Variants in SH2D5 observed in about 807,000 individuals in gnomAD.
SH2D5 encodes the protein SH2 domain-containing protein 5.
Under a neutral mutation model 48.2 loss-of-function variants are expected in SH2D5, and 45 were observed. The observed-to-expected ratio is 0.93, with a 90% CI of 0.73 to 1.20. The LOEUF (loss-of-function observed/expected upper bound fraction) is 1.20, where lower values mean the gene tolerates loss of function less well. Ranked by LOEUF, SH2D5 falls within the 50% of genes most tolerant of loss-of-function variation. The pLI is 0.00. For missense variants in SH2D5, 538 were observed against 584.1 expected (o/e 0.92, Z 0.81); for synonymous variants, 230 against 249.8 (o/e 0.92, Z 0.75).
In SH2D5 at chr1:20,729,680, C is replaced by A. The variant is rs2154538705; in HGVS notation, c.-42-1594G>T. Among the ~76,000 whole-genome samples the A allele has an allele frequency of 6.6e-6, 1 of 152,178 alleles. No homozygotes were observed. The highest frequency in any genetic ancestry group is 1.5e-5 in the Non-Finnish European group (1 of 68,010). The stretch of plus-strand genomic sequence containing the variant: ...AGCAACGACGGGTCCCGGGTGTGCT[C>A]CCACTCAAGGAGGAGGGCTGGGGTG... On this transcript the variant is annotated intron_variant, in intron 1 of 9. Coordinates refer to ENST00000444387, the MANE Select transcript of SH2D5 (RefSeq NM_001103161.2). This position sits in a 1 kb window ranked among gnomAD's most constrained non-coding sequence, Gnocchi z 4.2.
intron 9 of SH2D5, 57 bp from the exon 10 acceptor site, chr1:20,722,052 C>A (rs2054697792): frequency 6.6e-7 from 1 of 1,521,186 alleles, no homozygotes; most frequent in Non-Finnish European, 9.0e-7. Context: ...ACGCCAGGCA[C>A]CAGCCACCCG....
intron 2 of SH2D5, among the ~76,000 whole-genome samples, 162 bp downstream of exon 2, chr1:20,727,794 CTG>C (rs1430819316): frequency 7.2e-5 from 11 of 152,352 alleles, no homozygotes; most frequent in African/African-American, 2.6e-4. Context: ...CTGAAGCTCT[CTG>C]AAGTCCCAGT....
intron 4 of SH2D5, 65 bp downstream of exon 4, chr1:20,726,936 C>T (rs907712322): frequency 2.7e-5 from 37 of 1,375,602 alleles, no homozygotes; most frequent in South Asian, 5.5e-5. Flanking sequence ...CAGAGGAGAG[C>T]GCATCCTGAG....
Position 20,721,951 on chromosome 1 carries a change from G to T in SH2D5, c.1113C>A (p.Asn371Lys). 1 of 1,613,122 alleles carries T rather than the reference G, an allele frequency of 6.2e-7. No individual in the cohort carries two copies. Among genetic ancestry groups the T allele is most frequent in the Non-Finnish European group, 8.5e-7 (1 of 1,179,946 alleles). ...EFPSLEALVE[N>K]HAVTERSLFC... is the part of the protein sequence containing the mutation. ...AGAGGCTACGTTCAGTAACCGCGTG[G>T]TTCTCCACCAGAGCCTCCAGGCTGG... Residue 371 changes from asparagine to lysine, a missense_variant, in exon 10 of 10, where the codon AAC becomes AAA. Coordinates refer to ENST00000444387, the MANE Select transcript of SH2D5 (RefSeq NM_001103161.2).
Position 20,722,745 on chromosome 1 carries a change from T to C in SH2D5, c.1068+11A>G. 8 of 1,462,864 alleles carry C rather than the reference T, an allele frequency of 5.5e-6. No homozygotes were observed. Among genetic ancestry groups the C allele is most frequent in the Non-Finnish European group, 7.3e-6 (8 of 1,100,578 alleles). The allele number at this position is 1,462,864 out of a possible 1,614,324, so 90.6% of individuals were successfully genotyped here. ...GCAGGGCCCAGGCCCCTCTGGCTGC[T>C]GCGCTCTTACCTCCAAGCAGTAGCG... On this transcript the variant is annotated intron_variant, in intron 9 of 9. Coordinates refer to ENST00000444387, the MANE Select transcript of SH2D5 (RefSeq NM_001103161.2).
intron 9 of SH2D5, 119 bp from the exon 10 acceptor site, chr1:20,722,114 T>G (rs2054699152): frequency 2.3e-6 from 2 of 880,578 alleles, no homozygotes; most frequent in Admixed American, 5.1e-5. Flanking sequence ...GCCCAGAGGC[T>G]TCACATGTGC....
intron 4 of SH2D5, among the ~76,000 whole-genome samples, chr1:20,726,392 C>T (rs1373588686): frequency 2.0e-5 from 3 of 152,194 alleles, no homozygotes; most frequent in African/African-American, 7.2e-5. Flanking sequence ...CCTGTTGTGA[C>T]GTGTCAGGTA....
At position 20,721,083 on chromosome 1, in the gene SH2D5, T is replaced by G. The variant is rs1234633852; in HGVS notation, c.*709A>C. 6.5e-6 allele frequency: 1 copy of G among 153,060 alleles called. No homozygotes were observed. Among genetic ancestry groups the G allele is most frequent in the Non-Finnish European group, 1.5e-5 (1 of 68,274 alleles). 9.5% of individuals were successfully genotyped at this position (153,060 alleles called of 1,614,324 possible). A position where few individuals can be genotyped will look rare whatever the true frequency, so the allele number is the denominator to read the frequency against. On this transcript the variant is annotated 3_prime_UTR_variant, in exon 10 of 10. Coordinates refer to ENST00000444387, the MANE Select transcript of SH2D5 (RefSeq NM_001103161.2). Reference sequence around the variant, plus strand: ...GGAGTCACAGCCCTGAGGTTTTGAGTGGAGACAGCATGGAGATTCTTGGCC... The same window carrying G: ...GGAGTCACAGCCCTGAGGTTTTGAGGGGAGACAGCATGGAGATTCTTGGCC...
At chr1:20,722,079 C>A (rs1008728427) in intron 9 of SH2D5, 84 bp from the exon 10 acceptor site, 1 of 1,339,238 alleles carries the variant, frequency 7.5e-7, no homozygotes, top group Non-Finnish European at 1.0e-6. Context: ...CAGGAGCCTG[C>A]ACATTTTGGA....
intron 3 of SH2D5, 59 bp downstream of exon 3, chr1:20,727,464 G>T: frequency 6.8e-7 from 1 of 1,464,804 alleles, no homozygotes; most frequent in Non-Finnish European, 9.4e-7. Context: ...GGTCTAGGGG[G>T]TTACCTGGTC....
Position 20,732,322 on chromosome 1 carries a change from G to A in SH2D5, c.-184C>T, listed in dbSNP as rs996379723. ...GGAGCTCAGAAGGCACCTCCTCCCGGGCTGGGGGCGCTGAATCCCCCGCGC... is the reference window on the plus strand; with the variant it reads ...GGAGCTCAGAAGGCACCTCCTCCCGAGCTGGGGGCGCTGAATCCCCCGCGC... On this transcript the variant is annotated 5_prime_UTR_variant, in exon 1 of 10. Transcript: ENST00000444387. The surrounding 1 kb of genome is among the most constrained non-coding windows in gnomAD (Gnocchi z 5.1). 8 of 152,180 alleles carry A rather than the reference G, an allele frequency of 5.3e-5. No individual in the cohort carries two copies. The highest frequency in any genetic ancestry group is 1.9e-4 in the African/African-American group (8 of 41,412). The allele number at this position is 152,180 out of a possible 1,614,324, so 9.4% of individuals were successfully genotyped here.
rs958853815 is a variant in SH2D5 at position 20,721,658 on chromosome 1, C to T, written c.*134G>A. On this transcript the variant is annotated 3_prime_UTR_variant, in exon 10 of 10. Transcript: ENST00000444387. Reference sequence around the variant, plus strand: ...AGGGCTCCCCTCCCACGGACAGTGACGCGATGGAAGACTGCTCCAAGGGCA... The same window carrying T: ...AGGGCTCCCCTCCCACGGACAGTGATGCGATGGAAGACTGCTCCAAGGGCA... The T allele has an allele frequency of 5.9e-5, 48 of 809,000 alleles. 1 individual carries two copies. In the Middle Eastern group the frequency reaches 1.9e-3, roughly 32 times the overall value. 50.1% of individuals were successfully genotyped at this position (809,000 alleles called of 1,614,324 possible). A position where few individuals can be genotyped will look rare whatever the true frequency, so the allele number is the denominator to read the frequency against.
At chr1:20,730,201 G>A (rs2054879295) in intron 1 of SH2D5, among the ~76,000 whole-genome samples, 1 of 152,094 alleles carries the variant, frequency 6.6e-6, no homozygotes, top group Non-Finnish European at 1.5e-5. Flanking sequence ...ATGGAGGGGT[G>A]GCCGGGGACA....
chr1:20,727,346 C>G, intron 3 of SH2D5, 177 bp downstream of exon 3: 1 of 666,764 alleles, frequency 1.5e-6, no homozygotes, highest in Non-Finnish European at 2.6e-6. Flanking sequence ...TCACAGTAGC[C>G]CAGGGCATAA....
Position 20,720,618 on chromosome 1 carries a change from A to G in SH2D5, c.*1174T>C, listed in dbSNP as rs1044659315. On this transcript the variant is annotated 3_prime_UTR_variant, in exon 10 of 10. Transcript: ENST00000444387. ...TATAACAGAGTTCAGTAGATTCATT[A>G]TTTGTCAAGTTTGCTTACAAAGAGG... 6.6e-6 allele frequency: 1 copy of G among 152,256 alleles called. No individual in the cohort carries two copies. Among genetic ancestry groups the G allele is most frequent in the Non-Finnish European group, 1.5e-5 (1 of 68,044 alleles). 9.4% of individuals were successfully genotyped at this position (152,256 alleles called of 1,614,324 possible). A position where few individuals can be genotyped will look rare whatever the true frequency, so the allele number is the denominator to read the frequency against.
rs775441587 is a variant in SH2D5 at position 20,724,132 on chromosome 1, G to A, written c.750C>T (p.Tyr250=). 6.2e-7 allele frequency: 1 copy of A among 1,612,966 alleles called. No homozygotes were observed. The highest frequency in any genetic ancestry group is 8.5e-7 in the Non-Finnish European group (1 of 1,179,916). ...IRSKVIRSGA[Y]RGCTYETQLQ... ...GCTGGGTCTCATAGGTGCAGCCGCG[G>A]TAGGCCCCCGAGCGGATCACCTTGC... The change falls in exon 7 of 10, where the codon TAC becomes TAT. Residue 250 remains tyrosine, a synonymous_variant. Coordinates refer to ENST00000444387, the MANE Select transcript of SH2D5 (RefSeq NM_001103161.2).
intron 1 of SH2D5, among the ~76,000 whole-genome samples, chr1:20,731,858 C>T (rs912170516): frequency 2.6e-5 from 4 of 152,076 alleles, no homozygotes; most frequent in Non-Finnish European, 5.9e-5. Context: ...CTGGGCTCCG[C>T]TGCAGGGGAC....
intron 9 of SH2D5, among the ~76,000 whole-genome samples, chr1:20,722,263 A>G (rs1374648744): frequency 6.6e-6 from 1 of 152,158 alleles, no homozygotes; most frequent in African/African-American, 2.4e-5. Flanking sequence ...GGGGCAGGAC[A>G]AGACATCACA....
rs1214981149 is a variant in SH2D5, at chr1:20,720,545, C to T, written c.*1247G>A. The T allele has an allele frequency of 1.3e-5, 2 of 152,290 alleles. No homozygotes were observed. The highest frequency in any genetic ancestry group is 2.4e-5 in the African/African-American group (1 of 41,474). The allele number at this position is 152,290 out of a possible 1,614,324, so 9.4% of individuals were successfully genotyped here. A position where few individuals can be genotyped will look rare whatever the true frequency, so the allele number is the denominator to read the frequency against. On this transcript the variant is annotated 3_prime_UTR_variant, in exon 10 of 10. Coordinates refer to ENST00000444387, the MANE Select transcript of SH2D5 (RefSeq NM_001103161.2). Reference sequence around the variant, plus strand: ...GAGAGGGCAGCCCCCAGGCTCATGACGTGGCTTCTGCTTCAATAAGAGAAG... The same window carrying T: ...GAGAGGGCAGCCCCCAGGCTCATGATGTGGCTTCTGCTTCAATAAGAGAAG...
Sources: gnomAD v4.1 joint callset for allele counts (sites outside exome capture counted in the v4.1 genomes callset) on GRCh38, gnomAD v4.1.1 for gene constraint, Gnocchi (gnomAD v3.1) non-coding constraint, MANE v1.5 for transcripts, NCBI Gene and HGNC (gene_info 2026-07-23, HGNC 2026-07-21) for gene names.